Variants in MAPT observed in about 807,000 individuals in gnomAD.
The protein encoded by MAPT is microtubule-associated protein tau.
A neutral mutation model predicts 67.9 loss-of-function variants in MAPT; 34 were observed. The ratio of observed to expected loss-of-function variants is 0.50; its 90% CI spans 0.38 to 0.67. The LOEUF (loss-of-function observed/expected upper bound fraction) is 0.67. MAPT is among the 30% of genes least tolerant of loss of function. The probability of loss-of-function intolerance (pLI) is 0.00; values close to 1 mark genes in which losing one functional copy is unlikely to be tolerated. For missense variants in MAPT, 881 were observed against 1,115.2 expected (o/e 0.79, Z 2.99); for synonymous variants, 456 against 464.5 (o/e 0.98, Z 0.23).
Position 46,024,441 on chromosome 17 carries a change from A to C in MAPT, c.*270A>C. The stretch of plus-strand genomic sequence containing the variant: ...AAAAAACATTCAAAAACATGGCCAC[A>C]TCCAACATTTCCTCAGGCAATTCCT... On this transcript the variant is annotated 3_prime_UTR_variant, in exon 13 of 13. Coordinates refer to ENST00000262410, the MANE Select transcript of MAPT (RefSeq NM_001377265.1). 1.8e-6 allele frequency: 1 copy of C among 550,760 alleles called. No individual in the cohort carries two copies. Among genetic ancestry groups the C allele is most frequent in the Non-Finnish European group, 3.3e-6 (1 of 306,512 alleles). The allele number at this position is 550,760 out of a possible 1,614,324, so 34.1% of individuals were successfully genotyped here.
chr17:45,952,414 C>T (rs546524931), intron 1 of MAPT, among the ~76,000 whole-genome samples: 1 of 152,290 alleles, frequency 6.6e-6, no homozygotes, highest in South Asian at 2.1e-4. Flanking sequence ...CCGCCCCAGC[C>T]TCCTGAGTTA....
At chr17:45,944,986 T>C (rs372770979) in intron 1 of MAPT, among the ~76,000 whole-genome samples, 16 of 152,322 alleles carry the variant, frequency 1.1e-4, no homozygotes, top group African/African-American at 3.6e-4. Flanking sequence ...CTGGGTCCAC[T>C]AGAGGTTCCT....
intron 1 of MAPT, among the ~76,000 whole-genome samples, chr17:45,907,020 C>A (rs2064357591): frequency 1.3e-5 from 2 of 152,180 alleles, no homozygotes; most frequent in South Asian, 4.1e-4. Flanking sequence ...TTTTGCATGC[C>A]ATTGCCAAAT....
At chr17:45,911,953 G>A (rs2064830524) in intron 1 of MAPT, among the ~76,000 whole-genome samples, 1 of 152,190 alleles carries the variant, frequency 6.6e-6, no homozygotes, top group South Asian at 2.1e-4. Context: ...GCCATGATCT[G>A]TTCAAAAGTT....
chr17:46,009,693 G>A (rs1229828751), intron 9 of MAPT, among the ~76,000 whole-genome samples: 1 of 152,176 alleles, frequency 6.6e-6, no homozygotes, highest in Non-Finnish European at 1.5e-5. Flanking sequence ...ACGGGGTCAG[G>A]GCTTCTCAAA....
chr17:45,921,898 C>A (rs2144426392), intron 1 of MAPT, among the ~76,000 whole-genome samples: 1 of 152,226 alleles, frequency 6.6e-6, no homozygotes, highest in East Asian at 1.9e-4. Context: ...TAGAAGACTG[C>A]CCTTAGCGAA....
chr17:45,950,082 G>T (rs189196377), intron 1 of MAPT, among the ~76,000 whole-genome samples: 17 of 152,230 alleles, frequency 1.1e-4, no homozygotes, highest in Admixed American at 6.5e-4. Context: ...GTGTGTTGGG[G>T]GGAGTTGGGT....
At chr17:45,990,707 A>G (rs2073993834) in intron 7 of MAPT, among the ~76,000 whole-genome samples, 1 of 152,220 alleles carries the variant, frequency 6.6e-6, no homozygotes. Flanking sequence ...TGGGTAGGAC[A>G]GCATCACGCC....
chr17:46,010,530 C>A lies in MAPT; in HGVS notation c.2091+128C>A, dbSNP rs576695559. On this transcript the variant is annotated intron_variant, in intron 10 of 12. Coordinates refer to ENST00000262410, the MANE Select transcript of MAPT (RefSeq NM_001377265.1). This position sits in a 1 kb window ranked among gnomAD's most constrained non-coding sequence, Gnocchi z 4.7. ...TTGGGCTCTCAGGATCTGGCTGCGA[C>A]CTCTGGGTGAATGTAGCCCGGCTCC... The A allele has an allele frequency of 5.3e-6, 4 of 750,236 alleles. No homozygotes were observed. The Admixed American group carries it at 8.0e-5, about 15-fold the overall frequency. 46.5% of individuals were successfully genotyped at this position (750,236 alleles called of 1,614,324 possible).
At chr17:45,997,201 G>T (rs1467500993) in intron 9 of MAPT, among the ~76,000 whole-genome samples, 2 of 152,174 alleles carry the variant, frequency 1.3e-5, no homozygotes, top group Non-Finnish European at 2.9e-5. Flanking sequence ...CTTCCTAAAG[G>T]TGGAGAAGCA....
At chr17:45,939,061 A>T (rs898617544) in intron 1 of MAPT, among the ~76,000 whole-genome samples, 1 of 151,944 alleles carries the variant, frequency 6.6e-6, no homozygotes, top group African/African-American at 2.4e-5. Flanking sequence ...TGATCCACCA[A>T]CCTCAGCCTC....
chr17:45,910,838 C>T (rs1488470646), intron 1 of MAPT: 1 of 152,104 alleles, frequency 6.6e-6, no homozygotes, highest in Non-Finnish European at 1.5e-5. Context: ...GGGGTGCTGC[C>T]AGCCCTGCCA....
chr17:45,932,594 CAA>C (rs982542546), intron 1 of MAPT, among the ~76,000 whole-genome samples: 3 of 50,072 alleles, frequency 6.0e-5, no homozygotes, highest in Admixed American at 2.2e-4. Flanking sequence ...GACTCCATCT[CAA>C]AAAAAAAAAA....
chr17:45,959,769 G>C (rs2070178078), intron 1 of MAPT, among the ~76,000 whole-genome samples: 1 of 151,384 alleles, frequency 6.6e-6, no homozygotes, highest in Non-Finnish European at 1.5e-5. Context: ...TGACAAGAGT[G>C]AAACTCCATC....
intron 1 of MAPT, among the ~76,000 whole-genome samples, chr17:45,907,221 C>T (rs2064377417): frequency 6.6e-6 from 1 of 152,154 alleles, no homozygotes; most frequent in South Asian, 2.1e-4. Flanking sequence ...GCTCTTTCTG[C>T]CCCTTGCTCA....
intron 1 of MAPT, among the ~76,000 whole-genome samples, chr17:45,952,398 A>G (rs557541983): frequency 5.3e-4 from 81 of 152,320 alleles, no homozygotes; most frequent in African/African-American, 1.8e-3. Flanking sequence ...GTCACTGATC[A>G]CTACCCCGCC....
At chr17:45,957,577 T>C (rs2069881506) in intron 1 of MAPT, among the ~76,000 whole-genome samples, 1 of 152,022 alleles carries the variant, frequency 6.6e-6, no homozygotes, top group South Asian at 2.1e-4. Context: ...ACATCTCTGC[T>C]GTGAGCCCCA....
At chr17:45,997,253 G>A (rs62063854) in intron 9 of MAPT, among the ~76,000 whole-genome samples, 22,040 of 152,128 alleles carry the variant, frequency 0.14, 2,127 homozygotes, top group Non-Finnish European at 0.22. Flanking sequence ...CCCCATTCCT[G>A]TCCCTGTGCC....
chr17:46,009,760 C>T (rs1323483867), intron 9 of MAPT, among the ~76,000 whole-genome samples: 2 of 152,182 alleles, frequency 1.3e-5, no homozygotes, highest in Non-Finnish European at 2.9e-5. Flanking sequence ...AGACTGAAGC[C>T]AGACTCCTAG....
Sources: gnomAD v4.1 joint callset for allele counts (sites outside exome capture counted in the v4.1 genomes callset) on GRCh38, gnomAD v4.1.1 for gene constraint, Gnocchi (gnomAD v3.1) non-coding constraint, MANE v1.5 for transcripts, NCBI Gene and HGNC (gene_info 2026-07-23, HGNC 2026-07-21) for gene names.